Variants in UPRT observed in about 807,000 individuals in gnomAD.
The protein encoded by UPRT is uracil phosphoribosyltransferase homolog.
A neutral mutation model predicts 22.6 loss-of-function variants in UPRT; 5 were observed. The ratio of observed to expected loss-of-function variants is 0.22; its 90% CI spans 0.12 to 0.47. The LOEUF (loss-of-function observed/expected upper bound fraction) is 0.47, where lower values mean the gene tolerates loss of function less well. UPRT is among the 20% of genes least tolerant of loss of function. The pLI is 0.99. For missense variants in UPRT, 181 were observed against 239.9 expected, an observed-to-expected ratio of 0.75 and a Z score of 1.62; for synonymous variants, 77 against 87.7, an observed-to-expected ratio of 0.88 and a Z score of 0.68.
rs185167145 is a variant in UPRT, at chrX:75,300,827, G to A, written c.725-40G>A. ...AGAAAAAAGACATTTAAAAATGAAT[G>A]TTAAGGTTGCTAATTCATTTGGTTA... is the stretch of plus-strand genomic sequence containing the variant. On this transcript the variant is annotated intron_variant, in intron 5 of 6. Transcript: ENST00000373383. 26 of 1,043,556 alleles carry A rather than the reference G, an allele frequency of 2.5e-5. No individual in the cohort carries two copies. The East Asian group carries it at 8.1e-4, about 33-fold the overall frequency. The allele number at this position is 1,043,556 out of a possible 1,213,427, so 86.0% of individuals were successfully genotyped here. A position where few individuals can be genotyped will look rare whatever the true frequency, so the allele number is the denominator to read the frequency against.
intron 4 of UPRT, among the ~76,000 whole-genome samples, chrX:75,232,422 C>A (rs1028149545): frequency 2.7e-5 from 3 of 112,426 alleles, no homozygotes; most frequent in Non-Finnish European, 3.8e-5. Flanking sequence ...GAAGCTCGAA[C>A]TGGGTGGAGC....
chrX:75,251,433 C>A (rs1274106370), intron 4 of UPRT, among the ~76,000 whole-genome samples: 1 of 110,694 alleles, frequency 9.0e-6, no homozygotes, highest in South Asian at 3.9e-4. Flanking sequence ...CAAACAGAGA[C>A]CCAAATCATG....
intron 4 of UPRT, among the ~76,000 whole-genome samples, chrX:75,269,083 GC>G (rs1205836359): frequency 1.8e-5 from 2 of 111,678 alleles, no homozygotes; most frequent in Admixed American, 9.6e-5. Context: ...AAATCACTGT[GC>G]AACAATCACT....
intron 4 of UPRT, among the ~76,000 whole-genome samples, chrX:75,214,190 C>CA (rs1471743454): frequency 2.7e-5 from 3 of 112,177 alleles, no homozygotes; most frequent in Non-Finnish European, 5.6e-5. Context: ...TGGAAAATCC[C>CA]AAAATACTTG....
chrX:75,171,418 G>A (rs2082227147), intron 4 of UPRT, among the ~76,000 whole-genome samples: 1 of 111,293 alleles, frequency 9.0e-6, no homozygotes, highest in South Asian at 3.8e-4. Context: ...TTTATTTCTT[G>A]AAGTTGTGAT....
intron 4 of UPRT, among the ~76,000 whole-genome samples, chrX:75,244,926 G>A (rs1017554852): frequency 1.8e-5 from 2 of 110,980 alleles, no homozygotes; most frequent in African/African-American, 6.5e-5. Flanking sequence ...TTGACAAATG[G>A]GATCTAATTA....
At chrX:75,238,773 A>C (rs769325293) in intron 4 of UPRT, among the ~76,000 whole-genome samples, 2 of 112,091 alleles carry the variant, frequency 1.8e-5, no homozygotes, top group South Asian at 7.3e-4. Context: ...ACTCTTGCAG[A>C]CCACAGTGGA....
chrX:75,239,657 C>T (rs2082481980), intron 4 of UPRT, among the ~76,000 whole-genome samples: 1 of 111,096 alleles, frequency 9.0e-6, no homozygotes, highest in African/African-American at 3.3e-5. Flanking sequence ...AAAAAGAATA[C>T]TACAGACCAA....
At chrX:75,173,308 C>G (rs1244390055) in intron 4 of UPRT, among the ~76,000 whole-genome samples, 6 of 109,358 alleles carry the variant, frequency 5.5e-5, no homozygotes. Flanking sequence ...TTCCAAGGCC[C>G]CACCAGAGCA....
At chrX:75,159,306 T>C (rs1322193696) in intron 1 of UPRT, among the ~76,000 whole-genome samples, 2 of 112,564 alleles carry the variant, frequency 1.8e-5, no homozygotes, top group Non-Finnish European at 3.7e-5. Context: ...CATTGTTTTA[T>C]GGCTGAACAA....
intron 4 of UPRT, among the ~76,000 whole-genome samples, chrX:75,217,164 G>C (rs2082395676): frequency 8.9e-6 from 1 of 111,834 alleles, no homozygotes; most frequent in Admixed American, 9.5e-5. Context: ...GTCATGAGTG[G>C]AGTCTTGATG....
At chrX:75,186,639 A>G (rs2082293291) in intron 4 of UPRT, among the ~76,000 whole-genome samples, 1 of 111,418 alleles carries the variant, frequency 9.0e-6, no homozygotes, top group Non-Finnish European at 1.9e-5. Flanking sequence ...ATCTCCCATT[A>G]TTATTGTGTG....
rs1304452207 is a variant in UPRT, at chrX:75,231,094, CAAG to C, written c.-446-59924_-446-59922del. 1.1e-4 allele frequency among the ~76,000 whole-genome samples: 12 copies of C among 111,681 alleles called. No individual in the cohort carries two copies. The East Asian group carries it at 3.4e-3, about 32-fold the overall frequency. On this transcript the variant is annotated intron_variant, in intron 4 of 13. Coordinates refer to the UPRT transcript ENST00000652605. ...TAGCTCTCCAGCAGTGGATCCAAAC[CAAG>C]AAGAACTCTCTGAATTGCAGATACA...
intron 4 of UPRT, among the ~76,000 whole-genome samples, chrX:75,219,052 A>T (rs994698670): frequency 5.4e-4 from 59 of 108,950 alleles, no homozygotes; most frequent in East Asian, 1.1e-3. Context: ...AATAAAATTT[A>T]AAAAAAAAGA....
At chrX:75,289,009 T>C (rs2082694423) in intron 1 of UPRT, among the ~76,000 whole-genome samples, 1 of 111,065 alleles carries the variant, frequency 9.0e-6, no homozygotes, top group South Asian at 3.8e-4. Context: ...ACAAAATCAG[T>C]GTACCAAAAT....
intron 4 of UPRT, among the ~76,000 whole-genome samples, chrX:75,198,526 T>C (rs1369965952): frequency 8.9e-6 from 1 of 111,982 alleles, no homozygotes; most frequent in Non-Finnish European, 1.9e-5. Context: ...AGCTGGGTGA[T>C]AAGTTTATGG....
At chrX:75,190,587 C>T (rs1345253983) in intron 4 of UPRT, among the ~76,000 whole-genome samples, 1 of 111,982 alleles carries the variant, frequency 8.9e-6, no homozygotes, top group Admixed American at 9.5e-5. Context: ...CAACTTGGTT[C>T]CATTCTCCCT....
intron 4 of UPRT, among the ~76,000 whole-genome samples, chrX:75,207,392 G>A (rs1414546953): frequency 9.0e-6 from 1 of 111,641 alleles, no homozygotes; most frequent in Non-Finnish European, 1.9e-5. Context: ...TATAGCCATG[G>A]CTCCCTAAAA....
chrX:75,242,227 A>C (rs185089600), intron 4 of UPRT, among the ~76,000 whole-genome samples: 6 of 111,556 alleles, frequency 5.4e-5, no homozygotes, highest in Admixed American at 9.6e-5. Flanking sequence ...AACATTGGCT[A>C]TCCTTTTAGT....
Sources: allele counts gnomAD v4.1 joint callset (sites outside exome capture counted in the v4.1 genomes callset), GRCh38; gene constraint gnomAD v4.1.1; transcripts MANE v1.5; gene names NCBI Gene and HGNC (gene_info 2026-07-23, HGNC 2026-07-21).